Variants in TSHZ2 observed in about 807,000 individuals in gnomAD.
The protein encoded by TSHZ2 is teashirt zinc finger homeobox 2.
In TSHZ2, 21 loss-of-function variants were observed where a neutral mutation model predicts 74.4. The observed-to-expected ratio is 0.28, with a 90% confidence interval of 0.20 to 0.41. TSHZ2 has a LOEUF of 0.41. TSHZ2 is among the 10% of genes least tolerant of loss of function. The probability of loss-of-function intolerance (pLI) is 1.00; values close to 1 mark genes in which losing one functional copy is unlikely to be tolerated. For missense variants in TSHZ2, 1,244 were observed against 1,293.5 expected, an observed-to-expected ratio of 0.96 and a Z score of 0.59; for synonymous variants, 540 against 515.3, an observed-to-expected ratio of 1.05 and a Z score of -0.65.
chr20:53,447,194 GT>G (rs1308296822), intron 2 of TSHZ2, among the ~76,000 whole-genome samples: 1 of 152,152 alleles, frequency 6.6e-6, no homozygotes, highest in East Asian at 1.9e-4. Flanking sequence ...CCCTTCAAGT[GT>G]TTTTGTAGGA....
At chr20:52,996,738 C>G (rs926508139) in intron 1 of TSHZ2, among the ~76,000 whole-genome samples, 1 of 152,086 alleles carries the variant, frequency 6.6e-6, no homozygotes, top group Non-Finnish European at 1.5e-5. Flanking sequence ...CTGACATATG[C>G]GAAGGAAACA....
At chr20:53,436,752 T>C (rs760974281) in intron 2 of TSHZ2, among the ~76,000 whole-genome samples, 1 of 151,684 alleles carries the variant, frequency 6.6e-6, no homozygotes, top group Non-Finnish European at 1.5e-5. Context: ...AGCTTCACCA[T>C]GTTGGCCAGG....
intron 2 of TSHZ2, among the ~76,000 whole-genome samples, chr20:53,314,080 G>A (rs933522857): frequency 2.6e-5 from 4 of 152,082 alleles, no homozygotes; most frequent in African/African-American, 9.7e-5. Context: ...TTGAGGTCAG[G>A]AGTTCAAAAC....
At chr20:52,978,125 C>T (rs905445069) in intron 1 of TSHZ2, among the ~76,000 whole-genome samples, 1 of 152,152 alleles carries the variant, frequency 6.6e-6, no homozygotes, top group Non-Finnish European at 1.5e-5. Context: ...GCTGATTTCT[C>T]ATTCATTTGA....
chr20:53,478,093 A>G (rs1986035909), intron 2 of TSHZ2, among the ~76,000 whole-genome samples: 2 of 145,064 alleles, frequency 1.4e-5, no homozygotes, highest in African/African-American at 5.3e-5. Context: ...CCATTGTGGA[A>G]GTCAGTGTGG....
At chr20:53,469,375 C>T (rs1250772251) in intron 2 of TSHZ2, among the ~76,000 whole-genome samples, 2 of 151,696 alleles carry the variant, frequency 1.3e-5, no homozygotes, top group African/African-American at 4.8e-5. Context: ...GAAACCCCAT[C>T]TCTACTAAAA....
intron 1 of TSHZ2, among the ~76,000 whole-genome samples, chr20:53,194,692 C>T (rs959326283): frequency 6.6e-6 from 1 of 152,234 alleles, no homozygotes; most frequent in Non-Finnish European, 1.5e-5. Context: ...TTAATTACTT[C>T]ACCTAATGTG....
At chr20:53,463,449 AG>A (rs1985460354) in intron 2 of TSHZ2, among the ~76,000 whole-genome samples, 5 of 129,682 alleles carry the variant, frequency 3.9e-5, no homozygotes, top group South Asian at 2.8e-4. Flanking sequence ...GAGGGAGGGA[AG>A]GAAGGAAGGA....
intron 2 of TSHZ2, among the ~76,000 whole-genome samples, chr20:53,264,491 C>T (rs1568842863): frequency 6.6e-6 from 1 of 152,212 alleles, no homozygotes; most frequent in Non-Finnish European, 1.5e-5. Flanking sequence ...GATTTTTGAA[C>T]ATGTGTAACG....
intron 1 of TSHZ2, among the ~76,000 whole-genome samples, chr20:53,162,959 CATA>C (rs1331929921): frequency 6.6e-6 from 1 of 152,112 alleles, no homozygotes; most frequent in Non-Finnish European, 1.5e-5. Context: ...GTGTTTCCAT[CATA>C]ATAATTGTTT....
At chr20:53,062,794 G>T (rs1182841014) in intron 1 of TSHZ2, among the ~76,000 whole-genome samples, 1 of 152,142 alleles carries the variant, frequency 6.6e-6, no homozygotes, top group Non-Finnish European at 1.5e-5. Flanking sequence ...TTCACAACTT[G>T]GCTACCTGGT....
At chr20:52,993,166 A>C (rs1982055770) in intron 1 of TSHZ2, among the ~76,000 whole-genome samples, 1 of 152,222 alleles carries the variant, frequency 6.6e-6, no homozygotes, top group African/African-American at 2.4e-5. Context: ...TAACATTTCC[A>C]ATATATAACA....
intron 1 of TSHZ2, among the ~76,000 whole-genome samples, chr20:53,089,626 A>ATGATTT (rs1985814061): frequency 6.6e-6 from 1 of 152,228 alleles, no homozygotes; most frequent in Non-Finnish European, 1.5e-5. Context: ...TCACATAAAT[A>ATGATTT]TGATTTTTCA....
chr20:53,334,894 G>A (rs527379107), intron 2 of TSHZ2, among the ~76,000 whole-genome samples: 2 of 152,224 alleles, frequency 1.3e-5, no homozygotes, highest in African/African-American at 4.8e-5. Context: ...ATATTAGCCA[G>A]GCTGGTCTCG....
chr20:52,996,475 C>T (rs895906089), intron 1 of TSHZ2, among the ~76,000 whole-genome samples: 1 of 152,004 alleles, frequency 6.6e-6, no homozygotes, highest in African/African-American at 2.4e-5. Context: ...GACTGTATCC[C>T]AGTCAGCCTG....
intron 1 of TSHZ2, among the ~76,000 whole-genome samples, chr20:53,239,611 G>A (rs1023722636): frequency 1.3e-5 from 2 of 152,106 alleles, no homozygotes; most frequent in Non-Finnish European, 1.5e-5. Flanking sequence ...CTTGGAATTT[G>A]AAATCGCAAT....
intron 1 of TSHZ2, among the ~76,000 whole-genome samples, chr20:53,217,680 G>A (rs1482116580): frequency 6.6e-6 from 1 of 152,130 alleles, no homozygotes; most frequent in Non-Finnish European, 1.5e-5. Context: ...TTCTCAGAAG[G>A]CATCTATCCT....
rs531925077 is a variant in TSHZ2, at chr20:53,380,163, T to TGCGC, written c.*9-106979_*9-106978insGCGC. Among the ~76,000 whole-genome samples, 473 of 151,056 alleles carry TGCGC rather than the reference T, an allele frequency of 3.1e-3. 1 individual carries two copies. Among genetic ancestry groups the TGCGC allele is most frequent in the Middle Eastern group, 0.01 (3 of 294 alleles). On this transcript the variant is annotated intron_variant, in intron 2 of 2. Transcript: ENST00000371497. ...GAGTGTGTGTGTGTGTGTGTGTGTG[T>TGCGC]GCACACGCATGTGTGTTATAAAAGG...
intron 1 of TSHZ2, among the ~76,000 whole-genome samples, chr20:53,142,811 C>T (rs898453391): frequency 6.3e-5 from 9 of 142,438 alleles, no homozygotes; most frequent in Non-Finnish European, 1.4e-4. Flanking sequence ...AAGCCGGTAA[C>T]AGTATTAAGA....
Sources: gnomAD v4.1 joint callset for allele counts (sites outside exome capture counted in the v4.1 genomes callset) on GRCh38, gnomAD v4.1.1 for gene constraint, MANE v1.5 for transcripts, NCBI Gene and HGNC (gene_info 2026-07-23, HGNC 2026-07-21) for gene names.